Variants in ARHGAP24 observed in about 807,000 individuals in gnomAD.
The protein encoded by ARHGAP24 is rho GTPase-activating protein 24.
Under a neutral mutation model 76.4 loss-of-function variants are expected in ARHGAP24, and 50 were observed. The observed-to-expected ratio is 0.65, with a 90% CI of 0.52 to 0.83. ARHGAP24 has a LOEUF of 0.83. Ranked by LOEUF, ARHGAP24 falls within the 40% of genes least tolerant of loss-of-function variation. ARHGAP24 has a pLI of 0.00. For synonymous variants in ARHGAP24, 345 were observed against 323.3 expected (o/e 1.07, Z -0.72); for missense variants, 930 against 914.2 (o/e 1.02, Z -0.22).
chr4:85,659,914 A>G (rs376791866), intron 2 of ARHGAP24, among the ~76,000 whole-genome samples: 16 of 152,216 alleles, frequency 1.1e-4, no homozygotes, highest in Admixed American at 3.9e-4. Context: ...CTCTAAAAAA[A>G]TAATAGGTTT....
At position 85,939,006 on chromosome 4, in the gene ARHGAP24, G is replaced by A. The variant is rs371068017; in HGVS notation, c.392-3060G>A. Among the ~76,000 whole-genome samples the A allele has an allele frequency of 1.1e-4, 17 of 152,248 alleles. No individual in the cohort carries two copies. The East Asian group carries it at 1.7e-3, about 16-fold the overall frequency. ...CAGTATTCTGTAATAGCCACTGAGT[G>A]GCTCTGATATCCCACCGCCTCGAAC... is the stretch of plus-strand genomic sequence containing the variant. On this transcript the variant is annotated intron_variant, in intron 4 of 9. Transcript: ENST00000395184.
chr4:85,873,970 G>A (rs951120601), intron 3 of ARHGAP24, among the ~76,000 whole-genome samples: 22 of 152,048 alleles, frequency 1.4e-4, no homozygotes, highest in Admixed American at 1.3e-3. Context: ...TAATTTTTAA[G>A]ATTGGATGAT....
chr4:85,620,992 C>G (rs576915748), intron 2 of ARHGAP24, among the ~76,000 whole-genome samples: 147 of 151,928 alleles, frequency 9.7e-4, no homozygotes, highest in Non-Finnish European at 1.4e-3. Flanking sequence ...CTGTGTGTAC[C>G]CAATATTTAG....
chr4:85,746,031 G>T (rs568178485), intron 3 of ARHGAP24, among the ~76,000 whole-genome samples: 1 of 152,148 alleles, frequency 6.6e-6, no homozygotes, highest in South Asian at 2.1e-4. Flanking sequence ...AAGTCAAGTC[G>T]GGGTAGGTTT....
intron 3 of ARHGAP24, among the ~76,000 whole-genome samples, chr4:85,769,071 T>C (rs1727032622): frequency 6.6e-6 from 1 of 152,082 alleles, no homozygotes; most frequent in Non-Finnish European, 1.5e-5. Flanking sequence ...ATAGTATTCA[T>C]ATTAGAAATA....
chr4:85,928,326 T>A (rs1478843164), intron 4 of ARHGAP24, among the ~76,000 whole-genome samples: 2 of 151,838 alleles, frequency 1.3e-5, no homozygotes, highest in Non-Finnish European at 2.9e-5. Flanking sequence ...TTCCCTCCTT[T>A]CCTCCCGTCC....
At chr4:85,975,235 G>A (rs890970715) in intron 7 of ARHGAP24, among the ~76,000 whole-genome samples, 6 of 152,212 alleles carry the variant, frequency 3.9e-5, no homozygotes, top group African/African-American at 1.4e-4. Context: ...TGTTTCAGAA[G>A]TGGTATTGTT....
At chr4:85,521,788 A>C (rs1724766421) in intron 1 of ARHGAP24, among the ~76,000 whole-genome samples, 1 of 152,162 alleles carries the variant, frequency 6.6e-6, no homozygotes, top group Non-Finnish European at 1.5e-5. Context: ...TCACAGTCTC[A>C]TAGGAAACGT....
chr4:85,545,288 C>T (rs1041783493), intron 1 of ARHGAP24, among the ~76,000 whole-genome samples: 2 of 151,838 alleles, frequency 1.3e-5, no homozygotes, highest in African/African-American at 2.4e-5. Context: ...TTAGTAGAGA[C>T]GGGGTTTCGC....
At chr4:85,807,158 G>A (rs1560643403) in intron 3 of ARHGAP24, among the ~76,000 whole-genome samples, 2 of 151,938 alleles carry the variant, frequency 1.3e-5, no homozygotes, top group Non-Finnish European at 2.9e-5. Flanking sequence ...TGTGCAGAAC[G>A]TGCAGGTGTG....
chr4:85,626,400 C>CTG (rs1720954976), intron 2 of ARHGAP24, among the ~76,000 whole-genome samples: 1 of 152,134 alleles, frequency 6.6e-6, no homozygotes, highest in African/African-American at 2.4e-5. Flanking sequence ...TTATTGGTCC[C>CTG]CACTCTCTTC....
intron 3 of ARHGAP24, among the ~76,000 whole-genome samples, chr4:85,908,961 A>G (rs539441236): frequency 6.6e-6 from 1 of 152,314 alleles, no homozygotes; most frequent in South Asian, 2.1e-4. Flanking sequence ...AATATGCTTT[A>G]GGTCTAGCTT....
At chr4:85,622,676 T>A (rs376460407) in intron 2 of ARHGAP24, among the ~76,000 whole-genome samples, 3 of 152,190 alleles carry the variant, frequency 2.0e-5, no homozygotes, top group Non-Finnish European at 4.4e-5. Flanking sequence ...CGCCACACTG[T>A]CTTCCACAAT....
intron 1 of ARHGAP24, among the ~76,000 whole-genome samples, chr4:85,560,892 A>G (rs1234861477): frequency 6.6e-6 from 1 of 152,168 alleles, no homozygotes; most frequent in East Asian, 1.9e-4. Flanking sequence ...AACAACGGCA[A>G]ATGTTTTATG....
intron 3 of ARHGAP24, among the ~76,000 whole-genome samples, chr4:85,803,120 A>G (rs1255952784): frequency 6.6e-6 from 1 of 152,210 alleles, no homozygotes; most frequent in African/African-American, 2.4e-5. Context: ...ATTGTCTGGC[A>G]CACAGTAGGA....
chr4:85,870,348 G>A (rs1386660519), intron 3 of ARHGAP24, among the ~76,000 whole-genome samples: 2 of 152,150 alleles, frequency 1.3e-5, no homozygotes, highest in South Asian at 4.1e-4. Flanking sequence ...TGAAATGTAA[G>A]TAGCAGAACT....
chr4:85,548,485 C>T (rs1578025278), intron 1 of ARHGAP24, among the ~76,000 whole-genome samples: 1 of 152,260 alleles, frequency 6.6e-6, no homozygotes, highest in South Asian at 2.1e-4. Flanking sequence ...TTCTGGTGTC[C>T]TAATTTTCTC....
intron 3 of ARHGAP24, among the ~76,000 whole-genome samples, chr4:85,772,419 G>A (rs1049486359): frequency 2.5e-4 from 38 of 152,090 alleles, no homozygotes; most frequent in African/African-American, 8.5e-4. Context: ...AACAAATCTC[G>A]GCATTTTCTC....
At chr4:85,997,142 A>G (rs1479598298) in intron 9 of ARHGAP24, among the ~76,000 whole-genome samples, 1 of 152,188 alleles carries the variant, frequency 6.6e-6, no homozygotes, top group Non-Finnish European at 1.5e-5. Flanking sequence ...TGGCCTAGCC[A>G]TGAAATTATA....
Sources: gnomAD v4.1 joint callset for allele counts (sites outside exome capture counted in the v4.1 genomes callset) on GRCh38, gnomAD v4.1.1 for gene constraint, MANE v1.5 for transcripts, NCBI Gene and HGNC (gene_info 2026-07-23, HGNC 2026-07-21) for gene names.